Variants in DEFB109B observed in about 807,000 individuals in gnomAD.
DEFB109B encodes defensin beta 109B.
At chr8:7,310,557 T>A (rs1361143993), upstream of DEFB109B, among the ~76,000 whole-genome samples, 1 of 139,048 alleles carries the variant, frequency 7.2e-6, no homozygotes, top group Non-Finnish European at 1.5e-5. Context: ...AAGATTGTCA[T>A]CTGCACCTCT....
intron 1 of DEFB109B, among the ~76,000 whole-genome samples, chr8:7,313,768 C>A: frequency 7.5e-6 from 1 of 132,796 alleles, no homozygotes; most frequent in African/African-American, 4.0e-5. Context: ...ATTAATGAAA[C>A]AAATGAGAAA....
At chr8:7,315,289 C>T (rs1585314493) in intron 1 of DEFB109B, among the ~76,000 whole-genome samples, 1 of 128,758 alleles carries the variant, frequency 7.8e-6, no homozygotes, top group Admixed American at 7.2e-5. Context: ...AGGCCGAGGC[C>T]GGCAGATCAC....
chr8:7,309,704 G>T (rs1802502729), upstream of DEFB109B, among the ~76,000 whole-genome samples: 1 of 145,508 alleles, frequency 6.9e-6, no homozygotes, highest in Non-Finnish European at 1.5e-5. Context: ...CCAAGAAGAT[G>T]ATCAGGCATC....
At chr8:7,315,243 C>G (rs1240884070) in intron 1 of DEFB109B, among the ~76,000 whole-genome samples, 1 of 118,180 alleles carries the variant, frequency 8.5e-6, no homozygotes, top group East Asian at 2.2e-4. Context: ...TGGGGCCACA[C>G]GCGGTGGCTC....
upstream of DEFB109B, among the ~76,000 whole-genome samples, chr8:7,312,567 G>A (rs1025873141): frequency 2.1e-5 from 3 of 144,384 alleles, no homozygotes; most frequent in Middle Eastern, 3.2e-3. Flanking sequence ...TATTGCATAT[G>A]CATGTCAAAA....
upstream of DEFB109B, among the ~76,000 whole-genome samples, chr8:7,310,851 GT>G (rs965479801): frequency 4.5e-5 from 6 of 133,034 alleles, no homozygotes; most frequent in Admixed American, 3.7e-4. Context: ...CAAAAGAACA[GT>G]TTGTTAGCCT....
chr8:7,309,684 T>C (rs940070473), upstream of DEFB109B, among the ~76,000 whole-genome samples: 12 of 146,792 alleles, frequency 8.2e-5, no homozygotes, highest in African/African-American at 2.5e-4. Flanking sequence ...GTAGGACTTA[T>C]TGCTTTTACC....
chr8:7,316,900 C>A (rs1180618129), intron 1 of DEFB109B, among the ~76,000 whole-genome samples: 8 of 127,700 alleles, frequency 6.3e-5, no homozygotes, highest in African/African-American at 3.2e-4. Context: ...CTCGGCCTCC[C>A]AAAGTGCTGC....
At chr8:7,316,717 C>G (rs1477957361) in intron 1 of DEFB109B, among the ~76,000 whole-genome samples, 1 of 144,284 alleles carries the variant, frequency 6.9e-6, no homozygotes, top group Non-Finnish European at 1.5e-5. Context: ...ACCTCCACCT[C>G]CTGGGTTCAA....
intron 1 of DEFB109B, chr8:7,319,052 G>C (rs1419731856): frequency 7.0e-6 from 1 of 142,992 alleles, no homozygotes; most frequent in Non-Finnish European, 1.5e-5. Context: ...TAAATTGAAA[G>C]CCTGAAATAT....
chr8:7,319,257 G>C (rs1350605832), intron 1 of DEFB109B: 1 of 133,024 alleles, frequency 7.5e-6, no homozygotes, highest in Non-Finnish European at 1.5e-5. Flanking sequence ...AAAAGAGAGA[G>C]AGAGAGAGAG....
intron 1 of DEFB109B, chr8:7,319,249 AAGAGAGAG>A (rs1164775535): frequency 7.8e-6 from 1 of 128,912 alleles, no homozygotes. Flanking sequence ...AAAAAAAAAA[AAGAGAGAG>A]AGAGAGAGAG....
intron 1 of DEFB109B, chr8:7,319,216 G>A (rs1227669492): frequency 4.4e-5 from 5 of 113,928 alleles, no homozygotes; most frequent in African/African-American, 2.2e-4. Flanking sequence ...AAGAAACTAT[G>A]GCAACACAGT....
In DEFB109B at chr8:7,315,496, CAA is replaced by C. The variant is rs140776655; in HGVS notation, n.58+2609_58+2610del. ...CCTGGGCGACAGAGTGAGACTCCGTCAAAAAAAAAAAAAAAAAGAAGAAGAAG... is the reference window on the plus strand; with the variant it reads ...CCTGGGCGACAGAGTGAGACTCCGTCAAAAAAAAAAAAAAAGAAGAAGAAG... On this transcript the variant is annotated intron_variant and non_coding_transcript_variant, in intron 1 of 1. Transcript: ENST00000382656. Among the ~76,000 whole-genome samples the C allele has an allele frequency of 7.3e-3, 678 of 93,220 alleles. 5 individuals carry two copies. The highest frequency in any genetic ancestry group is 0.038 in the African/African-American group (533 of 14,128). 61.2% of individuals were successfully genotyped at this position (93,220 alleles called of 152,430 possible). A position where few individuals can be genotyped will look rare whatever the true frequency, so the allele number is the denominator to read the frequency against.
upstream of DEFB109B, among the ~76,000 whole-genome samples, chr8:7,309,719 G>A (rs1366819127): frequency 6.9e-6 from 1 of 144,224 alleles, no homozygotes; most frequent in African/African-American, 2.9e-5. Context: ...GGCATCCTAA[G>A]TAGATCAGAA....
chr8:7,315,391 C>T (rs1462023054), intron 1 of DEFB109B, among the ~76,000 whole-genome samples: 6 of 136,888 alleles, frequency 4.4e-5, no homozygotes, highest in South Asian at 4.3e-4. Context: ...CCCAGCTACT[C>T]GGGAGGCTGA....
intron 1 of DEFB109B, chr8:7,319,250 AGAGAG>A (rs1215180835): frequency 2.5e-5 from 3 of 121,734 alleles, no homozygotes; most frequent in Admixed American, 7.7e-5. Context: ...AAAAAAAAAA[AGAGAG>A]AGAGAGAGAG....
intron 1 of DEFB109B, among the ~76,000 whole-genome samples, chr8:7,315,778 C>T (rs1323180043): frequency 6.9e-6 from 1 of 145,270 alleles, no homozygotes; most frequent in South Asian, 2.1e-4. Flanking sequence ...CTTCATTACT[C>T]TGAATTTAAG....
upstream of DEFB109B, among the ~76,000 whole-genome samples, chr8:7,312,505 T>A (rs2128804967): frequency 6.8e-6 from 1 of 146,014 alleles, no homozygotes; most frequent in South Asian, 2.1e-4. Context: ...TTTACTTCAG[T>A]TCCTACTATA....
Sources: allele counts gnomAD v4.1 joint callset (sites outside exome capture counted in the v4.1 genomes callset), GRCh38; gene constraint gnomAD v4.1.1; transcripts MANE v1.5; gene names NCBI Gene and HGNC (gene_info 2026-07-23, HGNC 2026-07-21).